The following ACBD6 variants were observed in gnomAD, a reference collection of about 807,000 sequenced individuals.
ACBD6 encodes acyl-CoA binding domain containing 6, also known as acyl-CoA-binding domain-containing protein 6.
ACBD6 carries 28 observed loss-of-function variants against 37.2 expected under a neutral mutation model. That is an observed-to-expected ratio of 0.75 (90% CI 0.56 to 1.03). The LOEUF (loss-of-function observed/expected upper bound fraction) is 1.03. Ranked by LOEUF, ACBD6 falls within the 50% of genes least tolerant of loss-of-function variation. ACBD6 has a pLI of 0.00. For missense variants in ACBD6, 340 were observed against 337.4 expected (o/e 1.01, Z -0.06); for synonymous variants, 113 against 126.8 (o/e 0.89, Z 0.73).
chr1:180,407,466 T>C (rs951906528), intron 5 of ACBD6, among the ~76,000 whole-genome samples: 1 of 152,204 alleles, frequency 6.6e-6, no homozygotes, highest in Non-Finnish European at 1.5e-5. Flanking sequence ...TAGGCACTTA[T>C]TCCACCCCTA....
chr1:180,360,759 T>C (rs1253345494), intron 6 of ACBD6, among the ~76,000 whole-genome samples: 1 of 152,214 alleles, frequency 6.6e-6, no homozygotes, highest in Admixed American at 6.5e-5. Context: ...AATTTAAACA[T>C]ACTTGGCAGA....
chr1:180,421,994 G>A (rs1373536166), intron 4 of ACBD6, among the ~76,000 whole-genome samples: 1 of 151,876 alleles, frequency 6.6e-6, no homozygotes, highest in Non-Finnish European at 1.5e-5. Flanking sequence ...ACATTTTCCA[G>A]GTATAGATCC....
exon 14 of ACBD6, chr1:180,269,741 C>G (rs1478151333): frequency 6.6e-6 from 1 of 152,236 alleles, no homozygotes; most frequent in Non-Finnish European, 1.5e-5. Context: ...AAAGTTGCAT[C>G]AGACACTCCC....
At chr1:180,340,307 T>C (rs1259504834) in intron 6 of ACBD6, among the ~76,000 whole-genome samples, 1 of 151,968 alleles carries the variant, frequency 6.6e-6, no homozygotes, top group East Asian at 1.9e-4. Context: ...AGGTTGAAAA[T>C]AGAAGGAGTG....
Position 180,377,925 on chromosome 1 carries a change from C to T in ACBD6, c.663+19591G>A, listed in dbSNP as rs556508441. The stretch of plus-strand genomic sequence containing the variant: ...TTGCTCCACTGCACTCCAGCCTGGG[C>T]GACAAGAACAAAACTCTGTCTCAAA... On this transcript the variant is annotated intron_variant, in intron 6 of 7. Transcript: ENST00000367595. Among the ~76,000 whole-genome samples, 14 of 148,764 alleles carry T rather than the reference C, an allele frequency of 9.4e-5. No individual in the cohort carries two copies. In the East Asian group the frequency reaches 2.0e-3, roughly 21 times the overall value.
chr1:180,324,423 T>A (rs1651180584), intron 6 of ACBD6, among the ~76,000 whole-genome samples: 1 of 152,096 alleles, frequency 6.6e-6, no homozygotes, highest in Admixed American at 6.5e-5. Context: ...AAGTATCTTA[T>A]AACCCATTAT....
downstream of ACBD6, among the ~76,000 whole-genome samples, chr1:180,287,894 C>T (rs917965573): frequency 2.0e-5 from 3 of 152,126 alleles, no homozygotes; most frequent in Non-Finnish European, 4.4e-5. Context: ...TTCCTATCTT[C>T]CTAGTTATGT....
chr1:180,297,386 GA>G (rs1353643990), intron 7 of ACBD6, among the ~76,000 whole-genome samples: 1 of 152,206 alleles, frequency 6.6e-6, no homozygotes, highest in African/African-American at 2.4e-5. Flanking sequence ...GTGGAGGGTA[GA>G]TTTTTTTGTG....
chr1:180,468,694 T>C (rs1650445950), intron 3 of ACBD6, among the ~76,000 whole-genome samples: 1 of 152,234 alleles, frequency 6.6e-6, no homozygotes, highest in South Asian at 2.1e-4. Flanking sequence ...ATCTCGGTTC[T>C]GCCCTATTTC....
chr1:180,362,925 C>T (rs1652903033), intron 6 of ACBD6, among the ~76,000 whole-genome samples: 2 of 152,194 alleles, frequency 1.3e-5, no homozygotes, highest in South Asian at 2.1e-4. Flanking sequence ...ATCCCAAATC[C>T]CAACACTCAG....
intron 3 of ACBD6, among the ~76,000 whole-genome samples, chr1:180,481,940 T>C (rs979456437): frequency 7.2e-5 from 11 of 152,148 alleles, no homozygotes; most frequent in Non-Finnish European, 1.3e-4. Context: ...TACTATCAAG[T>C]TCGATAGTCA....
chr1:180,397,619 A>G lies in ACBD6; in HGVS notation c.574-14T>C. 6.3e-7 allele frequency: 1 copy of G among 1,597,982 alleles called. No homozygotes were observed. Among genetic ancestry groups the G allele is most frequent in the South Asian group, 1.1e-5 (1 of 90,748 alleles). Reference sequence around the variant, plus strand: ...TAGAGCCCTACCCTAAAAACACAGAAGATAAATGAATTTGTTATCTCAGTT... The same window carrying G: ...TAGAGCCCTACCCTAAAAACACAGAGGATAAATGAATTTGTTATCTCAGTT... On this transcript the variant is annotated splice_polypyrimidine_tract_variant and intron_variant, in intron 5 of 7. Coordinates refer to ENST00000367595, the MANE Select transcript of ACBD6 (RefSeq NM_032360.4).
chr1:180,502,321 G>T lies in ACBD6; in HGVS notation c.-55C>A. The T allele has an allele frequency of 6.3e-7, 1 of 1,591,740 alleles. No individual in the cohort carries two copies. The highest frequency in any genetic ancestry group is 8.6e-7 in the Non-Finnish European group (1 of 1,166,524). ...CCGGTCTGTCCTCCTTGGATTGGGT[G>T]TAAGGCCGGCTTGGAGGCCTGGCCC... On this transcript the variant is annotated 5_prime_UTR_variant, in exon 1 of 8. Coordinates refer to ENST00000367595, the MANE Select transcript of ACBD6 (RefSeq NM_032360.4).
chr1:180,338,721 A>G (rs1651846887), intron 6 of ACBD6, among the ~76,000 whole-genome samples: 1 of 152,240 alleles, frequency 6.6e-6, no homozygotes, highest in South Asian at 2.1e-4. Flanking sequence ...AGCAAAAGAA[A>G]CTACCACCAG....
In ACBD6 at chr1:180,502,379, G is replaced by T. The variant is rs370732031; in HGVS notation, c.-113C>A. On this transcript the variant is annotated 5_prime_UTR_variant, in exon 1 of 8. Transcript: ENST00000367595. Reference sequence around the variant, plus strand: ...TGGGTCGCGAGCCTGAGCTCCAGTCGGACCCAAGCTCAGTCGCGGCGCGCT... The same window carrying T: ...TGGGTCGCGAGCCTGAGCTCCAGTCTGACCCAAGCTCAGTCGCGGCGCGCT... 5.9e-5 allele frequency: 71 copies of T among 1,202,398 alleles called. No individual in the cohort carries two copies. In the Middle Eastern group the frequency reaches 1.1e-3, roughly 18 times the overall value. The allele number at this position is 1,202,398 out of a possible 1,614,324, so 74.5% of individuals were successfully genotyped here. A position where few individuals can be genotyped will look rare whatever the true frequency, so the allele number is the denominator to read the frequency against.
At chr1:180,459,889 G>C (rs1413387523) in intron 3 of ACBD6, among the ~76,000 whole-genome samples, 4 of 151,702 alleles carry the variant, frequency 2.6e-5, no homozygotes, top group African/African-American at 9.7e-5. Flanking sequence ...TGGGCTTAGG[G>C]GAGTCCGAAC....
At chr1:180,395,140 T>C (rs1258492537) in intron 6 of ACBD6, among the ~76,000 whole-genome samples, 5 of 152,188 alleles carry the variant, frequency 3.3e-5, no homozygotes, top group African/African-American at 7.2e-5. Flanking sequence ...TCCATTTACA[T>C]GGTACTAGTT....
At chr1:180,304,365 C>T (rs1197615416) in intron 7 of ACBD6, among the ~76,000 whole-genome samples, 1 of 150,872 alleles carries the variant, frequency 6.6e-6, no homozygotes, top group Non-Finnish European at 1.5e-5. Context: ...ACCCCATTGT[C>T]TCAGCCCAAA....
chr1:180,357,737 C>A (rs771703020), intron 6 of ACBD6, among the ~76,000 whole-genome samples: 2 of 152,208 alleles, frequency 1.3e-5, no homozygotes, highest in Non-Finnish European at 2.9e-5. Context: ...TCCTCAAAGT[C>A]TTCCTCTTCT....
Sources: gnomAD v4.1 joint callset for allele counts (sites outside exome capture counted in the v4.1 genomes callset) on GRCh38, gnomAD v4.1.1 for gene constraint, MANE v1.5 for transcripts, NCBI Gene and HGNC (gene_info 2026-07-23, HGNC 2026-07-21) for gene names.